The following PALLD variants were observed in gnomAD, a reference collection of about 807,000 sequenced individuals.
The protein encoded by PALLD is palladin.
A neutral mutation model predicts 123.5 loss-of-function variants in PALLD; 61 were observed. That is an observed-to-expected ratio of 0.49 (90% CI 0.40 to 0.61). PALLD has a LOEUF of 0.61. PALLD is among the 20% of genes least tolerant of loss of function. PALLD has a pLI of 0.00. For synonymous variants in PALLD, 465 were observed against 496.4 expected (o/e 0.94, Z 0.84); for missense variants, 1,273 against 1,377.0 (o/e 0.92, Z 1.20).
chr4:168,573,312 T>G (rs141369666), intron 2 of PALLD, among the ~76,000 whole-genome samples: 5 of 152,170 alleles, frequency 3.3e-5, no homozygotes, highest in African/African-American at 4.8e-5. Context: ...CCTTTTTTTT[T>G]GTTAATTGTG....
chr4:168,707,064 GT>G (rs956450135), intron 8 of PALLD, among the ~76,000 whole-genome samples: 10 of 151,922 alleles, frequency 6.6e-5, no homozygotes, highest in African/African-American at 2.2e-4. Flanking sequence ...AGACAAAAAT[GT>G]TTTTTTTAAA....
intron 3 of PALLD, among the ~76,000 whole-genome samples, chr4:168,680,481 CAAAAAAAAAAAAAAAAA>C (rs571607157): frequency 3.4e-5 from 2 of 59,154 alleles, no homozygotes; most frequent in African/African-American, 6.4e-5. Flanking sequence ...GATTCCGTCT[CAAAAAAAAAAAAAAAAA>C]AAAAAAAAAA....
intron 10 of PALLD, among the ~76,000 whole-genome samples, chr4:168,724,865 T>C (rs1786388881): frequency 6.6e-6 from 1 of 152,216 alleles, no homozygotes; most frequent in South Asian, 2.1e-4. Flanking sequence ...CAAGGGTTTT[T>C]TATGGTGCTG....
chr4:168,511,610 C>G lies in PALLD; in HGVS notation c.106C>G (p.Gln36Glu). ...FFPGLSAFLSQEEINKSLDLA... is the reference protein window; with the variant it reads ...FFPGLSAFLSEEEINKSLDLA... ...CCCGGGCCTTTCTGCTTTCCTCAGC[C>G]AGGAAGAGATAAACAAGAGTCTTGA... The change falls in exon 2 of 22, where the codon CAG becomes GAG. Residue 36 changes from glutamine to glutamate, a missense_variant. This residue lies in a region of PALLD where 944 missense variants were observed against 954.5 expected (regional missense o/e 0.99). Coordinates refer to ENST00000505667, the MANE Select transcript of PALLD (RefSeq NM_001166108.2). 1 of 1,614,118 alleles carries G rather than the reference C, an allele frequency of 6.2e-7. No individual in the cohort carries two copies.
intron 9 of PALLD, 39 bp downstream of exon 9, chr4:168,709,186 C>G: frequency 1.2e-6 from 2 of 1,609,342 alleles, no homozygotes; most frequent in Non-Finnish European, 1.7e-6. Context: ...GTTCTGTTCC[C>G]CAGCACCAGT....
Position 168,878,292 on chromosome 4 carries a change from G to C in PALLD, c.1965-12630G>C, listed in dbSNP as rs1316649826. 3 of 1,527,356 alleles carry C rather than the reference G, an allele frequency of 2.0e-6. No homozygotes were observed. The highest frequency in any genetic ancestry group is 2.2e-4 in the Middle Eastern group (1 of 4,590). The allele number at this position is 1,527,356 out of a possible 1,614,324, so 94.6% of individuals were successfully genotyped here. On this transcript the variant is annotated intron_variant, in intron 10 of 21. Coordinates refer to ENST00000505667, the MANE Select transcript of PALLD (RefSeq NM_001166108.2). ...TGCTCGTCGCCTGCCACCCGCTTCG[G>C]CCACAGCCAGACGCCCGCGGCCTTC...
chr4:168,528,874 T>C (rs1369141903), intron 2 of PALLD, among the ~76,000 whole-genome samples: 1 of 152,146 alleles, frequency 6.6e-6, no homozygotes, highest in Non-Finnish European at 1.5e-5. Context: ...TCTGTTATCC[T>C]GGAATGAGTA....
rs376654786 is a variant in PALLD, at chr4:168,894,680, AC to A, written c.2199+5del. On this transcript the variant is annotated splice_donor_region_variant and intron_variant, in intron 12 of 21. Coordinates refer to ENST00000505667, the MANE Select transcript of PALLD (RefSeq NM_001166108.2). ...CAGAAGAGGAAACAGCTAATCAGGT[AC>A]CATGTTGCTCTGGACTTCTTAGGGT... 2.2e-4 allele frequency: 353 copies of A among 1,612,738 alleles called. 2 individuals are homozygous for A. In the East Asian group the frequency reaches 5.9e-3, roughly 27 times the overall value.
intron 10 of PALLD, among the ~76,000 whole-genome samples, chr4:168,822,738 A>G (rs148119260): frequency 2.0e-5 from 3 of 152,386 alleles, no homozygotes; most frequent in African/African-American, 7.2e-5. Context: ...AGAAATGTCC[A>G]GATGAATGAA....
intron 10 of PALLD, among the ~76,000 whole-genome samples, chr4:168,794,465 C>A (rs551727234): frequency 3.3e-5 from 5 of 151,316 alleles, no homozygotes; most frequent in Non-Finnish European, 5.9e-5. Flanking sequence ...AGCGCACAGA[C>A]GTACGTGCAC....
chr4:168,670,536 A>G (rs1401975434), intron 3 of PALLD, among the ~76,000 whole-genome samples: 1 of 151,246 alleles, frequency 6.6e-6, no homozygotes, highest in Admixed American at 6.6e-5. Flanking sequence ...GATCGAGACC[A>G]TCCTGGCTGA....
intron 8 of PALLD, among the ~76,000 whole-genome samples, chr4:168,692,644 A>G (rs1030715280): frequency 6.6e-6 from 1 of 152,252 alleles, no homozygotes; most frequent in African/African-American, 2.4e-5. Context: ...TCTTTTATCT[A>G]CAAGAAATAG....
At chr4:168,573,715 G>C (rs1769233209) in intron 2 of PALLD, among the ~76,000 whole-genome samples, 1 of 151,996 alleles carries the variant, frequency 6.6e-6, no homozygotes, top group Non-Finnish European at 1.5e-5. Context: ...CATGCTTCTA[G>C]GAGGCCCTCT....
chr4:168,759,295 C>T (rs550928288), intron 10 of PALLD, among the ~76,000 whole-genome samples: 1 of 145,058 alleles, frequency 6.9e-6, no homozygotes, highest in Non-Finnish European at 1.5e-5. Flanking sequence ...TACCCTTTCT[C>T]CACTTTTCCA....
chr4:168,667,363 A>G (rs1779753028), intron 2 of PALLD, among the ~76,000 whole-genome samples: 1 of 152,170 alleles, frequency 6.6e-6, no homozygotes, highest in Admixed American at 6.5e-5. Flanking sequence ...ATATTTCTTT[A>G]AAAATAAATC....
chr4:168,814,832 G>A (rs1219703283), intron 10 of PALLD, among the ~76,000 whole-genome samples: 4 of 152,132 alleles, frequency 2.6e-5, no homozygotes, highest in East Asian at 3.9e-4. Context: ...GTGCAGTGAC[G>A]CGACCTCGGC....
intron 10 of PALLD, among the ~76,000 whole-genome samples, chr4:168,830,940 G>A (rs1744121928): frequency 1.3e-5 from 2 of 152,222 alleles, no homozygotes; most frequent in African/African-American, 4.8e-5. Context: ...TACCGAAACA[G>A]CCTGGCACAA....
intron 2 of PALLD, among the ~76,000 whole-genome samples, chr4:168,588,530 T>C (rs1258884372): frequency 1.3e-5 from 2 of 152,050 alleles, no homozygotes; most frequent in African/African-American, 2.4e-5. Context: ...GCCTCCTGAG[T>C]ACCTGGGATT....
chr4:168,855,271 A>G (rs1478669243), intron 10 of PALLD, among the ~76,000 whole-genome samples: 1 of 151,888 alleles, frequency 6.6e-6, no homozygotes, highest in Non-Finnish European at 1.5e-5. Flanking sequence ...TTGTATTTTT[A>G]GTAGAGACAA....
Sources: allele counts gnomAD v4.1 joint callset (sites outside exome capture counted in the v4.1 genomes callset), GRCh38; gene constraint gnomAD v4.1.1; regional missense constraint gnomAD v4.1.1; transcripts MANE v1.5; gene names NCBI Gene and HGNC (gene_info 2026-07-23, HGNC 2026-07-21).